The following ERBB4 variants were observed in gnomAD, a reference collection of about 807,000 sequenced individuals.
ERBB4 encodes receptor tyrosine-protein kinase erbB-4.
ERBB4 carries 42 observed loss-of-function variants against 158.0 expected under a neutral mutation model. The observed-to-expected ratio is 0.27, with a 90% CI of 0.21 to 0.34. The LOEUF (loss-of-function observed/expected upper bound fraction) is 0.34. Ranked by LOEUF, ERBB4 falls within the 10% of genes least tolerant of loss-of-function variation. The probability of loss-of-function intolerance (pLI) is 1.00; values close to 1 mark genes in which losing one functional copy is unlikely to be tolerated. For synonymous variants in ERBB4, 583 were observed against 558.7 expected, an observed-to-expected ratio of 1.04 and a Z score of -0.61; for missense variants, 1,333 against 1,624.1, an observed-to-expected ratio of 0.82 and a Z score of 3.08.
At chr2:212,278,070 G>A (rs1014007635) in intron 1 of ERBB4, among the ~76,000 whole-genome samples, 1 of 151,534 alleles carries the variant, frequency 6.6e-6, no homozygotes, top group East Asian at 1.9e-4. Context: ...AGCAGTTGCC[G>A]CTAATATTGT....
rs139542575 is a variant in ERBB4, at chr2:211,551,603, TTA to T, written c.2487+10298_2487+10299del. Among the ~76,000 whole-genome samples the T allele has an allele frequency of 9.0e-3, 1,373 of 152,276 alleles. 23 individuals are homozygous for T. Among genetic ancestry groups the T allele is most frequent in the African/African-American group, 0.03 (1,262 of 41,550 alleles). The stretch of plus-strand genomic sequence containing the variant: ...CTGAATATATTAATAAGTGCCAATT[TTA>T]TGTTTTCTATGATGTTAGTAGGGTT... On this transcript the variant is annotated intron_variant, in intron 20 of 27. Coordinates refer to ENST00000342788, the MANE Select transcript of ERBB4 (RefSeq NM_005235.3).
At chr2:211,593,546 A>G (rs2068539437) in intron 19 of ERBB4, among the ~76,000 whole-genome samples, 1 of 152,174 alleles carries the variant, frequency 6.6e-6, no homozygotes, top group Admixed American at 6.5e-5. Flanking sequence ...TACTCTCTGA[A>G]GCAAAAAATA....
intron 3 of ERBB4, among the ~76,000 whole-genome samples, chr2:211,809,951 A>G (rs1289246377): frequency 6.6e-6 from 1 of 152,146 alleles, no homozygotes; most frequent in Admixed American, 6.5e-5. Flanking sequence ...TTATTTACCC[A>G]GTAGTCATTC....
chr2:212,264,195 T>C (rs187906956), intron 1 of ERBB4, among the ~76,000 whole-genome samples: 3 of 152,280 alleles, frequency 2.0e-5, no homozygotes, highest in African/African-American at 7.2e-5. Context: ...TTTGCATTCC[T>C]GTTAGCACAA....
chr2:211,871,919 G>A (rs1396987428), intron 3 of ERBB4, among the ~76,000 whole-genome samples: 3 of 152,106 alleles, frequency 2.0e-5, no homozygotes, highest in Non-Finnish European at 4.4e-5. Context: ...GGAGGAGGAA[G>A]ACAGGGGAAA....
chr2:211,376,406 C>T lies in ERBB4; in HGVS notation c.*7209G>A, dbSNP rs2062474145. 2 of 232,762 alleles carry T rather than the reference C, an allele frequency of 8.6e-6. No individual in the cohort carries two copies. Among genetic ancestry groups the T allele is most frequent in the African/African-American group, 4.4e-5 (2 of 45,286 alleles). 14.4% of individuals were successfully genotyped at this position (232,762 alleles called of 1,614,324 possible). A position where few individuals can be genotyped will look rare whatever the true frequency, so the allele number is the denominator to read the frequency against. ...ATGTCTTTAACAAGCTATAAAAATA[C>T]TATTCACATTTTCAAACATACAGTA... On this transcript the variant is annotated 3_prime_UTR_variant, in exon 28 of 28. Coordinates refer to ENST00000342788, the MANE Select transcript of ERBB4 (RefSeq NM_005235.3).
At chr2:211,452,352 A>G (rs1244016701) in intron 20 of ERBB4, among the ~76,000 whole-genome samples, 2 of 151,916 alleles carry the variant, frequency 1.3e-5, no homozygotes, top group Admixed American at 6.6e-5. Context: ...TAATTTTTGT[A>G]TTTTTAGTAG....
chr2:212,013,243 G>C (rs2076434205), intron 2 of ERBB4, among the ~76,000 whole-genome samples: 1 of 152,016 alleles, frequency 6.6e-6, no homozygotes, highest in African/African-American at 2.4e-5. Flanking sequence ...TTTTACCTGA[G>C]ATGGGGTTTT....
intron 20 of ERBB4, among the ~76,000 whole-genome samples, chr2:211,527,393 C>G (rs912424217): frequency 3.2e-4 from 49 of 151,996 alleles, no homozygotes; most frequent in African/African-American, 1.2e-3. Context: ...TTTTGCCAGA[C>G]AAACAAAAGC....
chr2:212,336,196 G>A (rs1394782), intron 1 of ERBB4, among the ~76,000 whole-genome samples: 94,678 of 151,756 alleles, frequency 0.62, 30,764 homozygotes, highest in East Asian at 0.8. Flanking sequence ...GCTTATCTGT[G>A]ACAGCTTTTC....
intron 1 of ERBB4, among the ~76,000 whole-genome samples, chr2:212,386,025 C>T (rs1199841155): frequency 1.3e-5 from 2 of 151,714 alleles, no homozygotes; most frequent in African/African-American, 2.4e-5. Context: ...ATCTTACCAG[C>T]GAAGACCAGT....
Position 212,428,139 on chromosome 2 carries a change from T to G in ERBB4, c.82+110310A>C, listed in dbSNP as rs16848544. Among the ~76,000 whole-genome samples, 632 of 152,286 alleles carry G rather than the reference T, an allele frequency of 4.2e-3. 28 individuals carry two copies. In the East Asian group the frequency reaches 0.1, roughly 24 times the overall value. On this transcript the variant is annotated intron_variant, in intron 1 of 27. Transcript: ENST00000342788. ...TATTTTGGTTTGTTGTTATTTTTAT[T>G]AAGCTATGGATTCAAGAATGACATA... is the stretch of plus-strand genomic sequence containing the variant.
At chr2:211,992,568 A>AGAGAG (rs113455518) in intron 2 of ERBB4, among the ~76,000 whole-genome samples, 395 of 76,544 alleles carry the variant, frequency 5.2e-3, no homozygotes, top group Middle Eastern at 0.014. Flanking sequence ...AGAGAGAGAG[A>AGAGAG]AAAAAAAAAA....
chr2:211,703,999 T>A (rs920655963), intron 11 of ERBB4, 105 bp downstream of exon 11: 1 of 784,006 alleles, frequency 1.3e-6, no homozygotes, highest in Admixed American at 1.8e-5. Flanking sequence ...AAGCATGATT[T>A]CCCCAGAATC....
At chr2:212,369,155 G>C (rs2089997990) in intron 1 of ERBB4, among the ~76,000 whole-genome samples, 1 of 152,068 alleles carries the variant, frequency 6.6e-6, no homozygotes, top group African/African-American at 2.4e-5. Flanking sequence ...TGAATTATTT[G>C]CCAAAATTAA....
chr2:211,877,345 A>T (rs1482080222), intron 3 of ERBB4, among the ~76,000 whole-genome samples: 1 of 147,784 alleles, frequency 6.8e-6, no homozygotes, highest in African/African-American at 2.5e-5. Context: ...CTACCTCCAG[A>T]TTATGCTTTT....
intron 19 of ERBB4, among the ~76,000 whole-genome samples, chr2:211,609,893 A>G (rs2069127601): frequency 6.6e-6 from 1 of 152,184 alleles, no homozygotes; most frequent in Admixed American, 6.5e-5. Flanking sequence ...CTGTCAGTCT[A>G]TGGTTTGGAA....
intron 5 of ERBB4, among the ~76,000 whole-genome samples, chr2:211,746,841 A>ACC (rs1332912660): frequency 6.7e-6 from 1 of 148,950 alleles, no homozygotes; most frequent in Non-Finnish European, 1.5e-5. Flanking sequence ...AAAAAAAAAA[A>ACC]AAAAAACCCT....
At position 211,383,652 on chromosome 2, in the gene ERBB4, G is replaced by A. The variant is rs751834116; in HGVS notation, c.3890C>T (p.Pro1297Leu). The A allele has an allele frequency of 1.2e-5, 19 of 1,613,618 alleles. No homozygotes were observed. The highest frequency in any genetic ancestry group is 1.7e-4 in the Middle Eastern group (1 of 5,822). Residue 1297 changes from proline to leucine, a missense_variant, in exon 28 of 28, where the codon CCG becomes CTG. Pro to Leu is a moderately conservative substitution (Grantham distance 98). Coordinates refer to ENST00000342788, the MANE Select transcript of ERBB4 (RefSeq NM_005235.3). ...ATTCCGGTGTCTGTAAGGTGGAGGC[G>A]GCAGCACAGTGCCTGGCTTCAGGGA... Reference protein sequence around the residue: ...EFSLKPGTVLPPPPYRHRNTV... With the variant: ...EFSLKPGTVLLPPPYRHRNTV...
Sources: allele counts gnomAD v4.1 joint callset (sites outside exome capture counted in the v4.1 genomes callset), GRCh38; gene constraint gnomAD v4.1.1; transcripts MANE v1.5; gene names NCBI Gene and HGNC (gene_info 2026-07-23, HGNC 2026-07-21).